CNTNAP2: variants seen among roughly 807,000 people sequenced by gnomAD.
CNTNAP2 encodes contactin-associated protein-like 2.
CNTNAP2 carries 98 observed loss-of-function variants against 155.2 expected under a neutral mutation model. That is an observed-to-expected ratio of 0.63 (90% CI 0.54 to 0.75). CNTNAP2 has a LOEUF of 0.75. Among genes scored for constraint, CNTNAP2 ranks in the 30% least tolerant of loss-of-function variants. The pLI is 0.00. For synonymous variants in CNTNAP2, 651 were observed against 631.2 expected, an observed-to-expected ratio of 1.03 and a Z score of -0.47; for missense variants, 1,727 against 1,688.1, an observed-to-expected ratio of 1.02 and a Z score of -0.40.
intron 18 of CNTNAP2, among the ~76,000 whole-genome samples, chr7:148,192,703 A>G (rs1489753600): frequency 6.6e-6 from 1 of 152,222 alleles, no homozygotes; most frequent in Non-Finnish European, 1.5e-5. Context: ...TACGTGACAC[A>G]TGCCAACTAC....
chr7:148,213,281 G>T (rs1795579725), intron 18 of CNTNAP2, among the ~76,000 whole-genome samples: 1 of 152,156 alleles, frequency 6.6e-6, no homozygotes, highest in Non-Finnish European at 1.5e-5. Flanking sequence ...CAGGAAAGTG[G>T]TCACAGAAAT....
chr7:147,257,112 A>G (rs970454925), intron 8 of CNTNAP2, among the ~76,000 whole-genome samples: 4 of 152,162 alleles, frequency 2.6e-5, no homozygotes, highest in East Asian at 3.9e-4. Flanking sequence ...GGTTTGGGGG[A>G]AAAAGTCTCA....
chr7:146,243,768 A>G (rs1007509337), intron 1 of CNTNAP2, among the ~76,000 whole-genome samples: 2 of 152,160 alleles, frequency 1.3e-5, no homozygotes, highest in African/African-American at 4.8e-5. Context: ...AATGAGTCCT[A>G]AGTGAGATTA....
chr7:146,896,673 C>G (rs888025864), intron 3 of CNTNAP2, among the ~76,000 whole-genome samples: 1 of 151,444 alleles, frequency 6.6e-6, no homozygotes, highest in African/African-American at 2.4e-5. Context: ...ACTTTTGCAC[C>G]GACCTAATAG....
At chr7:147,568,495 G>A (rs1334574805) in intron 12 of CNTNAP2, among the ~76,000 whole-genome samples, 1 of 152,116 alleles carries the variant, frequency 6.6e-6, no homozygotes, top group East Asian at 1.9e-4. Context: ...ATTTTTCACA[G>A]AATCCTTTGT....
At chr7:147,043,764 A>C in intron 3 of CNTNAP2, 143 bp from the exon 4 acceptor site, 2 of 984,446 alleles carry the variant, frequency 2.0e-6, no homozygotes, top group Non-Finnish European at 3.0e-6. Context: ...AGAGTAAGGA[A>C]GCAGCTTTCT....
chr7:147,377,302 C>T (rs1395366406), intron 9 of CNTNAP2, among the ~76,000 whole-genome samples: 1 of 151,698 alleles, frequency 6.6e-6, no homozygotes, highest in Admixed American at 6.6e-5. Flanking sequence ...TTCTCCTGAA[C>T]ATAATCCTAA....
At chr7:147,942,853 C>T (rs527901276) in intron 14 of CNTNAP2, among the ~76,000 whole-genome samples, 8 of 152,058 alleles carry the variant, frequency 5.3e-5, no homozygotes, top group East Asian at 3.9e-4. Context: ...CTGGCTAACA[C>T]GGTGAAACCC....
chr7:146,509,296 T>C (rs2129134935), intron 1 of CNTNAP2, among the ~76,000 whole-genome samples: 1 of 152,322 alleles, frequency 6.6e-6, no homozygotes, highest in Non-Finnish European at 1.5e-5. Flanking sequence ...GCCCCTGTGC[T>C]AACCACTTGC....
rs182118987 is a variant in CNTNAP2 at position 146,421,001 on chromosome 7, C to A, written c.97+304028C>A. 6.5e-3 allele frequency among the ~76,000 whole-genome samples: 981 copies of A among 151,944 alleles called. 9 individuals are homozygous for A. Among genetic ancestry groups the A allele is most frequent in the African/African-American group, 0.022 (930 of 41,482 alleles). The stretch of plus-strand genomic sequence containing the variant: ...ATCCACTTTACTATGCAAAGATTTT[C>A]GGCATTTATATGAGGGATTTATTAG... On this transcript the variant is annotated intron_variant, in intron 1 of 23. Transcript: ENST00000361727.
intron 1 of CNTNAP2, among the ~76,000 whole-genome samples, chr7:146,357,923 G>A (rs982887714): frequency 7.4e-5 from 11 of 148,168 alleles, no homozygotes; most frequent in East Asian, 5.9e-4. Flanking sequence ...CCCGCCCCCC[G>A]CCACACACAG....
intron 10 of CNTNAP2, among the ~76,000 whole-genome samples, chr7:147,457,003 T>TG (rs1348613355): frequency 6.6e-6 from 1 of 152,178 alleles, no homozygotes; most frequent in Non-Finnish European, 1.5e-5. Context: ...TCACATCTCT[T>TG]GATGAAAATC....
In CNTNAP2 at chr7:147,056,945, T is replaced by A. The variant is rs115802320; in HGVS notation, c.550+12891T>A. Among the ~76,000 whole-genome samples, 432 of 152,122 alleles carry A rather than the reference T, an allele frequency of 2.8e-3. 3 individuals carry two copies. Among genetic ancestry groups the A allele is most frequent in the African/African-American group, 9.5e-3 (396 of 41,474 alleles). Reference sequence around the variant, plus strand: ...ACCACCATCCCTAGCTTATTTTTTTTATTTATATTTTTGTAGAGATGGGGT... The same window carrying A: ...ACCACCATCCCTAGCTTATTTTTTTAATTTATATTTTTGTAGAGATGGGGT... On this transcript the variant is annotated intron_variant, in intron 4 of 23. Coordinates refer to ENST00000361727, the MANE Select transcript of CNTNAP2 (RefSeq NM_014141.6).
chr7:147,024,166 A>G lies in CNTNAP2; in HGVS notation c.403-19741A>G, dbSNP rs139648250. On this transcript the variant is annotated intron_variant, in intron 3 of 23. Coordinates refer to ENST00000361727, the MANE Select transcript of CNTNAP2 (RefSeq NM_014141.6). The stretch of plus-strand genomic sequence containing the variant: ...AAAAATGGACACTATAGTGAGGACT[A>G]AATTCAAAAATGACAGCCAAACTGG... Among the ~76,000 whole-genome samples, 196 of 152,354 alleles carry G rather than the reference A, an allele frequency of 1.3e-3. 1 individual carries two copies. The highest frequency in any genetic ancestry group is 0.01 in the Middle Eastern group (3 of 294).
intron 11 of CNTNAP2, among the ~76,000 whole-genome samples, chr7:147,542,878 A>C (rs978387618): frequency 6.6e-6 from 1 of 152,336 alleles, no homozygotes; most frequent in Admixed American, 6.5e-5. Flanking sequence ...GTATTTAAAT[A>C]TTTCAATCTT....
At chr7:148,197,194 G>C (rs1395530899) in intron 18 of CNTNAP2, among the ~76,000 whole-genome samples, 1 of 152,104 alleles carries the variant, frequency 6.6e-6, no homozygotes, top group Non-Finnish European at 1.5e-5. Context: ...AGAAATGTGT[G>C]TCCCTGACGA....
chr7:146,809,552 C>T (rs914137239), intron 2 of CNTNAP2, among the ~76,000 whole-genome samples: 16 of 151,812 alleles, frequency 1.1e-4, no homozygotes, highest in Non-Finnish European at 1.5e-4. Context: ...TTAGTAGAGA[C>T]GGGGTTTTAC....
intron 14 of CNTNAP2, among the ~76,000 whole-genome samples, chr7:147,931,623 CATAA>C (rs1800505381): frequency 1.3e-5 from 2 of 152,098 alleles, no homozygotes; most frequent in South Asian, 2.1e-4. Context: ...GATGTTTCAA[CATAA>C]ATAAATCAAT....
intron 8 of CNTNAP2, among the ~76,000 whole-genome samples, chr7:147,243,284 C>T (rs999667584): frequency 3.1e-4 from 47 of 152,004 alleles, no homozygotes; most frequent in African/African-American, 1.0e-3. Flanking sequence ...GTGTGAGCCA[C>T]CGCACCCGGC....
Sources: gnomAD v4.1 joint callset for allele counts (sites outside exome capture counted in the v4.1 genomes callset) on GRCh38, gnomAD v4.1.1 for gene constraint, MANE v1.5 for transcripts, NCBI Gene and HGNC (gene_info 2026-07-23, HGNC 2026-07-21) for gene names.